TEAD1: variants seen among roughly 807,000 people sequenced by gnomAD.
The protein encoded by TEAD1 is TEA domain transcription factor 1.
TEAD1 carries 9 observed loss-of-function variants against 54.9 expected under a neutral mutation model. The observed-to-expected ratio is 0.16, with a 90% CI of 0.10 to 0.29. The LOEUF (loss-of-function observed/expected upper bound fraction) is 0.29, where lower values mean the gene tolerates loss of function less well. Ranked by LOEUF, TEAD1 falls within the 10% of genes least tolerant of loss-of-function variation. The pLI is 1.00. For synonymous variants in TEAD1, 200 were observed against 187.8 expected (o/e 1.07, Z -0.53); for missense variants, 387 against 535.9 (o/e 0.72, Z 2.74).
chr11:12,855,109 C>T (rs1054238866), intron 3 of TEAD1, among the ~76,000 whole-genome samples: 1 of 152,064 alleles, frequency 6.6e-6, no homozygotes, highest in Non-Finnish European at 1.5e-5. Flanking sequence ...TTACTGCTTC[C>T]TCTGGCAGTG....
At chr11:12,804,730 G>T (rs1172775617) in intron 3 of TEAD1, among the ~76,000 whole-genome samples, 1 of 152,148 alleles carries the variant, frequency 6.6e-6, no homozygotes, top group Non-Finnish European at 1.5e-5. Context: ...TTCGCTCCCT[G>T]CCTCTCTCCA....
chr11:12,835,232 G>A (rs1946862371), intron 3 of TEAD1, among the ~76,000 whole-genome samples: 1 of 152,156 alleles, frequency 6.6e-6, no homozygotes, highest in Non-Finnish European at 1.5e-5. Flanking sequence ...TTACTGGTTT[G>A]GGATAGATTC....
rs1252881198 is a variant in TEAD1, at chr11:12,837,765, T to TC, written c.203-24484dup. ...TTCTTCTTCCTCCTCTTCCTCTTCT[T>TC]CTTCCTTCTCTTCCTCTTCTTCCTT... On this transcript the variant is annotated intron_variant, in intron 3 of 12. Transcript: ENST00000527636. Among the ~76,000 whole-genome samples, 14 of 81,452 alleles carry TC rather than the reference T, an allele frequency of 1.7e-4. No homozygotes were observed. In the East Asian group the frequency reaches 3.7e-3, roughly 22 times the overall value. The allele number at this position is 81,452 out of a possible 152,430, so 53.4% of individuals were successfully genotyped here. A position where few individuals can be genotyped will look rare whatever the true frequency, so the allele number is the denominator to read the frequency against.
At chr11:12,694,581 G>A (rs1943538874) in intron 2 of TEAD1, among the ~76,000 whole-genome samples, 1 of 152,164 alleles carries the variant, frequency 6.6e-6, no homozygotes, top group Admixed American at 6.5e-5. Context: ...TGCCCACTTT[G>A]TGTACGTACC....
chr11:12,877,607 T>C (rs1472299090), intron 5 of TEAD1, among the ~76,000 whole-genome samples: 8 of 151,484 alleles, frequency 5.3e-5, no homozygotes, highest in Admixed American at 5.3e-4. Context: ...TGCAATGAGC[T>C]GAGATCATGC....
chr11:12,851,906 G>A (rs1862612611), intron 3 of TEAD1, among the ~76,000 whole-genome samples: 1 of 152,194 alleles, frequency 6.6e-6, no homozygotes, highest in African/African-American at 2.4e-5. Context: ...ACTATTCTAG[G>A]AGGTGGATGA....
intron 3 of TEAD1, among the ~76,000 whole-genome samples, chr11:12,803,883 C>G (rs949030333): frequency 6.6e-6 from 1 of 152,176 alleles, no homozygotes; most frequent in Non-Finnish European, 1.5e-5. Context: ...GTTTATAGGA[C>G]GCCAACACTT....
At chr11:12,882,278 C>CT (rs1360449694) in intron 8 of TEAD1, among the ~76,000 whole-genome samples, 2 of 152,176 alleles carry the variant, frequency 1.3e-5, no homozygotes, top group Admixed American at 6.5e-5. Flanking sequence ...ATTAGGCAGT[C>CT]TAAGTCTCAA....
intron 3 of TEAD1, among the ~76,000 whole-genome samples, chr11:12,794,855 G>A (rs1304329390): frequency 6.6e-6 from 1 of 152,218 alleles, no homozygotes; most frequent in East Asian, 1.9e-4. Context: ...TAAGGGGGAT[G>A]ATAACTCCCT....
Position 12,840,246 on chromosome 11 carries a change from C to CAAAAAAAAAAAAAAA in TEAD1, c.203-22002_203-21988dup, listed in dbSNP as rs1176865272. 3.0e-3 allele frequency among the ~76,000 whole-genome samples: 96 copies of CAAAAAAAAAAAAAAA among 31,516 alleles called. 4 individuals are homozygous for CAAAAAAAAAAAAAAA. Among genetic ancestry groups the CAAAAAAAAAAAAAAA allele is most frequent in the Non-Finnish European group, 4.0e-3 (73 of 18,406 alleles). The allele number at this position is 31,516 out of a possible 152,430, so 20.7% of individuals were successfully genotyped here. A position where few individuals can be genotyped will look rare whatever the true frequency, so the allele number is the denominator to read the frequency against. On this transcript the variant is annotated intron_variant, in intron 3 of 12. Transcript: ENST00000527636. Reference sequence around the variant, plus strand: ...TGGGCGACAGAGCGAGACTCTGCCTCAAAAAAAAAAAAAAAAGAAAAAAAA... The same window carrying CAAAAAAAAAAAAAAA: ...TGGGCGACAGAGCGAGACTCTGCCTCAAAAAAAAAAAAAAAAAAAAAAAAAAAAAAAGAAAAAAAA...
intron 3 of TEAD1, among the ~76,000 whole-genome samples, chr11:12,803,115 GT>G (rs1271651336): frequency 7.3e-6 from 1 of 137,470 alleles, no homozygotes; most frequent in Non-Finnish European, 1.6e-5. Flanking sequence ...TTTTTTTTTT[GT>G]TTTGCCATAA....
chr11:12,744,634 T>C (rs1234700458), intron 2 of TEAD1, among the ~76,000 whole-genome samples: 1 of 152,262 alleles, frequency 6.6e-6, no homozygotes. Flanking sequence ...TATGTTCCAC[T>C]TTTGGTCATC....
intron 3 of TEAD1, among the ~76,000 whole-genome samples, chr11:12,818,632 A>G (rs1042736567): frequency 2.0e-5 from 3 of 152,164 alleles, no homozygotes; most frequent in African/African-American, 7.2e-5. Flanking sequence ...CTTCCCCTAC[A>G]TGGAACTCTC....
chr11:12,815,961 C>T (rs148109604), intron 3 of TEAD1, among the ~76,000 whole-genome samples: 258 of 152,352 alleles, frequency 1.7e-3, no homozygotes, highest in African/African-American at 5.8e-3. Flanking sequence ...TTACATGTTA[C>T]AGCACTTCAG....
At chr11:12,841,266 T>C (rs1044348954) in intron 3 of TEAD1, among the ~76,000 whole-genome samples, 5 of 152,198 alleles carry the variant, frequency 3.3e-5, no homozygotes, top group Non-Finnish European at 5.9e-5. Flanking sequence ...ACAGAAGAGC[T>C]GTCTTTTTTC....
intron 3 of TEAD1, among the ~76,000 whole-genome samples, chr11:12,792,323 A>G (rs7924501): frequency 0.43 from 63,563 of 147,898 alleles, 14,351 homozygotes; most frequent in South Asian, 0.6. Context: ...TAATATAAAA[A>G]TATCAAGAAA....
chr11:12,793,998 CAG>C (rs1446419372), intron 3 of TEAD1, among the ~76,000 whole-genome samples: 1 of 152,230 alleles, frequency 6.6e-6, no homozygotes, highest in African/African-American at 2.4e-5. Flanking sequence ...TTCATTCTTA[CAG>C]CTCTGGAGTA....
At chr11:12,742,010 C>A (rs1227002710) in intron 2 of TEAD1, among the ~76,000 whole-genome samples, 1 of 152,192 alleles carries the variant, frequency 6.6e-6, no homozygotes, top group Non-Finnish European at 1.5e-5. Flanking sequence ...TGATACAGAG[C>A]CAGCACACAG....
chr11:12,929,204 G>GTGTGTGTGTGT lies in TEAD1; in HGVS notation c.1015-970_1015-969insTGTGTGTGTGT, dbSNP rs746048067. On this transcript the variant is annotated intron_variant, in intron 11 of 12. Coordinates refer to ENST00000527636, the MANE Select transcript of TEAD1 (RefSeq NM_021961.6). ...TGTGTGTGTGTGTGTGTGTGTGTCT[G>GTGTGTGTGTGT]CTTTAGGGTTATGTGAAATAATCTC... Among the ~76,000 whole-genome samples the GTGTGTGTGTGT allele has an allele frequency of 1.0e-3, 145 of 139,134 alleles. 1 individual carries two copies. The highest frequency in any genetic ancestry group is 3.5e-3 in the African/African-American group (116 of 33,430). 91.3% of individuals were successfully genotyped at this position (139,134 alleles called of 152,430 possible). A position where few individuals can be genotyped will look rare whatever the true frequency, so the allele number is the denominator to read the frequency against.
Sources: gnomAD v4.1 joint callset for allele counts (sites outside exome capture counted in the v4.1 genomes callset) on GRCh38, gnomAD v4.1.1 for gene constraint, MANE v1.5 for transcripts, NCBI Gene and HGNC (gene_info 2026-07-23, HGNC 2026-07-21) for gene names.